ARB2A: variants seen among roughly 807,000 people sequenced by gnomAD.
ARB2A encodes the protein ARB2 cotranscriptional regulator A.
chr5:93,917,555 A>G, the ARB2A span, among the ~76,000 whole-genome samples: 2 of 152,136 alleles, frequency 1.3e-5, no homozygotes, highest in East Asian at 1.9e-4. Context: ...TGCAAAGAAA[A>G]AAAAATTATA....
the ARB2A span, among the ~76,000 whole-genome samples, chr5:93,859,797 C>T: frequency 2.6e-5 from 4 of 152,088 alleles, no homozygotes; most frequent in African/African-American, 9.7e-5. Context: ...AAATATTAAA[C>T]AGTAACGATA....
chr5:93,715,642 C>T, the ARB2A span, among the ~76,000 whole-genome samples: 1 of 150,462 alleles, frequency 6.6e-6, no homozygotes, highest in Non-Finnish European at 1.5e-5. Context: ...CTTTCCCCCG[C>T]CTTTTTTTTT....
chr5:93,884,027 G>A, the ARB2A span, among the ~76,000 whole-genome samples: 2 of 150,906 alleles, frequency 1.3e-5, no homozygotes, highest in Non-Finnish European at 3.0e-5. Flanking sequence ...AAAATTAGTA[G>A]AGATGAAAAT....
the ARB2A span, among the ~76,000 whole-genome samples, chr5:93,825,604 C>T: frequency 1.3e-5 from 2 of 152,166 alleles, no homozygotes; most frequent in African/African-American, 2.4e-5. Context: ...ATGAGATCCT[C>T]TCCAGGCATG....
chr5:94,057,014 C>T, the ARB2A span, among the ~76,000 whole-genome samples: 1 of 152,196 alleles, frequency 6.6e-6, no homozygotes, highest in South Asian at 2.1e-4. Flanking sequence ...GGAGAATTCA[C>T]TCTCTCTGCC....
the ARB2A span, chr5:93,860,677 CAG>C: frequency 1.5e-5 from 2 of 136,490 alleles, no homozygotes; most frequent in Non-Finnish European, 1.5e-5. Flanking sequence ...TTGTTTGAGA[CAG>C]AGTCTCTCTC....
chr5:93,739,632 A>G, the ARB2A span: 2 of 152,220 alleles, frequency 1.3e-5, no homozygotes, highest in Non-Finnish European at 2.9e-5. Context: ...TGACCAAAGT[A>G]GAAGTGGAAA....
chr5:93,644,059 T>A, the ARB2A span, among the ~76,000 whole-genome samples: 1 of 152,136 alleles, frequency 6.6e-6, no homozygotes. Context: ...GCTTAGTAAG[T>A]AAGAATATAA....
At chr5:94,050,222 G>C in the ARB2A span, among the ~76,000 whole-genome samples, 1 of 150,570 alleles carries the variant, frequency 6.6e-6, no homozygotes, top group Non-Finnish European at 1.5e-5. Context: ...TTATAGGTGT[G>C]AGCCACCACA....
the ARB2A span, among the ~76,000 whole-genome samples, chr5:94,061,890 C>G: frequency 2.0e-5 from 3 of 152,090 alleles, no homozygotes; most frequent in Non-Finnish European, 4.4e-5. Flanking sequence ...AAATACAATT[C>G]CTATCAAAAT....
the ARB2A span, among the ~76,000 whole-genome samples, chr5:94,089,007 G>A: frequency 1.1e-4 from 16 of 151,982 alleles, no homozygotes; most frequent in African/African-American, 3.6e-4. Context: ...TCAATTCCGA[G>A]AAAAAATAAT....
the ARB2A span, among the ~76,000 whole-genome samples, chr5:94,054,265 G>C: frequency 6.6e-6 from 1 of 151,928 alleles, no homozygotes; most frequent in African/African-American, 2.4e-5. Flanking sequence ...TGTTCCATTA[G>C]TGTTCATTTT....
chr5:94,045,082 C>T, the ARB2A span, among the ~76,000 whole-genome samples: 20 of 133,234 alleles, frequency 1.5e-4, no homozygotes, highest in South Asian at 5.2e-3. Flanking sequence ...CATGCCACTG[C>T]ACTCCAGCCT....
chr5:93,631,002 C>T, the ARB2A span, among the ~76,000 whole-genome samples: 4 of 152,128 alleles, frequency 2.6e-5, no homozygotes, highest in Non-Finnish European at 4.4e-5. Flanking sequence ...AAGCAATCCT[C>T]CTGCCTCAGC....
the ARB2A span, among the ~76,000 whole-genome samples, chr5:93,677,673 T>C: frequency 2.0e-4 from 31 of 152,334 alleles, no homozygotes; most frequent in East Asian, 5.2e-3. Context: ...ACTTGCAGCA[T>C]GGTTCTCTGC....
the ARB2A span, chr5:93,804,980 A>G: frequency 2.0e-6 from 2 of 983,614 alleles, no homozygotes; most frequent in Non-Finnish European, 2.4e-6. Context: ...AGGTGGTGAG[A>G]TATCAAATTT....
chr5:94,025,057 A>G, the ARB2A span, among the ~76,000 whole-genome samples: 1 of 152,204 alleles, frequency 6.6e-6, no homozygotes, highest in Non-Finnish European at 1.5e-5. Context: ...CAACCTGACC[A>G]AAGATGCAAC....
chr5:93,985,616 G>A, the ARB2A span, among the ~76,000 whole-genome samples: 154 of 152,324 alleles, frequency 1.0e-3, no homozygotes, highest in African/African-American at 3.0e-3. Context: ...GTGGAGACGG[G>A]GTTTCGCCCT....
chr5:94,072,677 A>G, the ARB2A span, among the ~76,000 whole-genome samples: 1 of 152,114 alleles, frequency 6.6e-6, no homozygotes, highest in Admixed American at 6.6e-5. Flanking sequence ...TCCAGGTAAA[A>G]TGGGTCAACA....
Sources: allele counts gnomAD v4.1 joint callset (sites outside exome capture counted in the v4.1 genomes callset), GRCh38; gene constraint gnomAD v4.1.1; transcripts MANE v1.5; gene names NCBI Gene and HGNC (gene_info 2026-07-23, HGNC 2026-07-21).